SCAF4: variants seen among roughly 807,000 people sequenced by gnomAD.
The protein encoded by SCAF4 is SR-related and CTD-associated factor 4.
Under a neutral mutation model 129.8 loss-of-function variants are expected in SCAF4, and 25 were observed. The observed-to-expected ratio is 0.19, with a 90% confidence interval of 0.14 to 0.27. SCAF4 has a LOEUF of 0.27. Ranked by LOEUF, SCAF4 falls within the 10% of genes least tolerant of loss-of-function variation. The probability of loss-of-function intolerance (pLI) is 1.00; values close to 1 mark genes in which losing one functional copy is unlikely to be tolerated. For synonymous variants in SCAF4, 551 were observed against 497.7 expected (o/e 1.11, Z -1.43); for missense variants, 1,246 against 1,457.1 (o/e 0.86, Z 2.36).
At chr21:31,711,657 T>G (rs1238012983) in intron 1 of SCAF4, among the ~76,000 whole-genome samples, 1 of 152,110 alleles carries the variant, frequency 6.6e-6, no homozygotes, top group Non-Finnish European at 1.5e-5. Context: ...AATAACAAAA[T>G]TATTTCAAAT....
rs377173037 is a variant in SCAF4 at position 31,671,746 on chromosome 21, A to C, written c.3097T>G (p.Trp1033Gly). The change falls in exon 20 of 20, where the codon TGG becomes GGG. Residue 1033 changes from tryptophan (W) to glycine (G), a missense_variant. Physicochemically the swap from Trp to Gly is radical, Grantham distance 184 (BLOSUM62 -2). Around this residue, in one of 6 missense-constraint regions of SCAF4, gnomAD observed 339 missense variants for 325.0 expected, o/e 1.04. Coordinates refer to ENST00000286835, the MANE Select transcript of SCAF4 (RefSeq NM_020706.2). ...TCCCGGTCAGGGCTCCTCCTTCCCC[A>C]CTCTCTCCTGTCACGGTTACTATTA... is the stretch of plus-strand genomic sequence containing the variant. ...RDNSNRDRREWGRRSPDRDRH... is the reference protein window; with the variant it reads ...RDNSNRDRREGGRRSPDRDRH... The C allele has an allele frequency of 1.2e-6, 2 of 1,611,482 alleles. No homozygotes were observed. Among genetic ancestry groups the C allele is most frequent in the African/African-American group, 2.7e-5 (2 of 73,958 alleles).
In SCAF4 at chr21:31,711,577, A is replaced by T. The variant is rs186130286; in HGVS notation, c.31-5220T>A. Among the ~76,000 whole-genome samples the T allele has an allele frequency of 8.5e-4, 130 of 152,348 alleles. 1 individual carries two copies. Among genetic ancestry groups the T allele is most frequent in the Non-Finnish European group, 1.0e-4 (7 of 68,030 alleles). On this transcript the variant is annotated intron_variant, in intron 1 of 19. Coordinates refer to ENST00000286835, the MANE Select transcript of SCAF4 (RefSeq NM_020706.2). The stretch of plus-strand genomic sequence containing the variant: ...AACAATCTGCTCAGTTATAAAGTTA[A>T]TTAAGTGGTAAAATTCAATCTGTAA...
chr21:31,685,593 T>A lies in SCAF4; in HGVS notation c.2184A>T (p.Gly728=). The A allele has an allele frequency of 6.2e-7, 1 of 1,614,022 alleles. No individual in the cohort carries two copies. The change falls in exon 17 of 20, where the codon GGA becomes GGT. Residue 728 remains glycine (G), a synonymous_variant. Coordinates refer to ENST00000286835, the MANE Select transcript of SCAF4 (RefSeq NM_020706.2). The part of the protein sequence containing the change: ...PPPPPPFLRP[G]FNPMHLPPGF... Reference sequence around the variant, plus strand: ...CTGGTGGTAAATGCATTGGGTTGAATCCTGGGCGCAAAAATGGTGGAGGAG... The same window carrying A: ...CTGGTGGTAAATGCATTGGGTTGAAACCTGGGCGCAAAAATGGTGGAGGAG...
intron 19 of SCAF4, among the ~76,000 whole-genome samples, chr21:31,677,631 T>C (rs1259252096): frequency 1.3e-5 from 2 of 152,172 alleles, no homozygotes; most frequent in African/African-American, 4.8e-5. Flanking sequence ...TGTCATCTGA[T>C]AGTTCACCTC....
At chr21:31,697,252 C>T (rs1294510933) in intron 7 of SCAF4, among the ~76,000 whole-genome samples, 1 of 152,116 alleles carries the variant, frequency 6.6e-6, no homozygotes, top group Non-Finnish European at 1.5e-5. Context: ...AAAAAAGTCA[C>T]TAGCAGTTCC....
rs149831648 is a variant in SCAF4, at chr21:31,676,592, C to T, written c.2489-4238G>A. Among the ~76,000 whole-genome samples, 388 of 152,298 alleles carry T rather than the reference C, an allele frequency of 2.5e-3. 4 individuals are homozygous for T. Among genetic ancestry groups the T allele is most frequent in the African/African-American group, 8.7e-3 (361 of 41,562 alleles). On this transcript the variant is annotated intron_variant, in intron 19 of 19. Coordinates refer to ENST00000286835, the MANE Select transcript of SCAF4 (RefSeq NM_020706.2). ...CCCTTCATTCTGGCCAGTAATCTAA[C>T]ATTTTCCTAGTCAATCCACATTCTC...
rs1251843857 is a variant in SCAF4 at position 31,686,203 on chromosome 21, CAAAAAAAAAAAAAGAA to C, written c.2044-486_2044-471del. ...GGGCGACAGAGCAAGACTTGGTCTT[CAAAAAAAAAAAAAGAA>C]AAAAAAAAAAAAGGAAAGAAAGAAA... is the stretch of plus-strand genomic sequence containing the variant. On this transcript the variant is annotated intron_variant, in intron 16 of 19. Transcript: ENST00000286835. 6.5e-4 allele frequency among the ~76,000 whole-genome samples: 49 copies of C among 75,902 alleles called. 1 individual carries two copies. The highest frequency in any genetic ancestry group is 1.2e-3 in the Admixed American group (9 of 7,716). The allele number at this position is 75,902 out of a possible 152,430, so 49.8% of individuals were successfully genotyped here.
chr21:31,709,361 A>AAAAGAAAGAAAG (rs1555851528), intron 1 of SCAF4, among the ~76,000 whole-genome samples: 1 of 151,324 alleles, frequency 6.6e-6, no homozygotes, highest in Non-Finnish European at 1.5e-5. Context: ...AAAAAAAAAA[A>AAAAGAAAGAAAG]AAAGAAAGAA....
intron 19 of SCAF4, among the ~76,000 whole-genome samples, chr21:31,681,670 C>A (rs955322554): frequency 6.6e-6 from 1 of 152,020 alleles, no homozygotes; most frequent in African/African-American, 2.4e-5. Flanking sequence ...ATAATTATTG[C>A]GCATCAAGTA....
intron 19 of SCAF4, among the ~76,000 whole-genome samples, chr21:31,683,497 T>C (rs1030718166): frequency 1.3e-5 from 2 of 152,182 alleles, no homozygotes; most frequent in Non-Finnish European, 2.9e-5. Context: ...GCAGTGGTTA[T>C]TAAACTCCTG....
At chr21:31,705,108 T>C (rs1406267484) in intron 3 of SCAF4, among the ~76,000 whole-genome samples, 1 of 152,160 alleles carries the variant, frequency 6.6e-6, no homozygotes, top group Non-Finnish European at 1.5e-5. Context: ...TTTGAAATAC[T>C]CAAAGGTGAG....
rs368215613 is a variant in SCAF4 at position 31,702,264 on chromosome 21, T to C, written c.437A>G (p.Glu146Gly). 7.6e-5 allele frequency: 123 copies of C among 1,614,010 alleles called. No individual in the cohort carries two copies. The highest frequency in any genetic ancestry group is 1.0e-4 in the Non-Finnish European group (118 of 1,180,006). ...AGTSNAAPVAENVTNNEGSPP... is the reference protein window; with the variant it reads ...AGTSNAAPVAGNVTNNEGSPP... Reference sequence around the variant, plus strand: ...CATACCTTCATTATTGGTAACATTTTCTGCTACTGGGGCTGCATTACTGGT... The same window carrying C: ...CATACCTTCATTATTGGTAACATTTCCTGCTACTGGGGCTGCATTACTGGT... The change falls in exon 5 of 20, where the codon GAA becomes GGA. Residue 146 changes from glutamate to glycine, a missense_variant. By Grantham distance (98) the Glu-to-Gly change is moderately conservative. Around this residue, in one of 6 missense-constraint regions of SCAF4, gnomAD observed 143 missense variants for 161.0 expected, o/e 0.89. Coordinates refer to ENST00000286835, the MANE Select transcript of SCAF4 (RefSeq NM_020706.2).
At chr21:31,677,748 G>A (rs1373051792) in intron 19 of SCAF4, among the ~76,000 whole-genome samples, 1 of 152,154 alleles carries the variant, frequency 6.6e-6, no homozygotes, top group Non-Finnish European at 1.5e-5. Context: ...CTTTGCTGGA[G>A]AGTACAGTAT....
intron 1 of SCAF4, among the ~76,000 whole-genome samples, chr21:31,709,590 T>A (rs569676582): frequency 6.6e-6 from 1 of 152,230 alleles, no homozygotes; most frequent in South Asian, 2.1e-4. Flanking sequence ...TAGTCTCTAT[T>A]TAAAAAATTA....
rs576954246 is a variant in SCAF4, at chr21:31,716,933, G to A, written c.31-10576C>T. On this transcript the variant is annotated intron_variant, in intron 1 of 19. Coordinates refer to ENST00000286835, the MANE Select transcript of SCAF4 (RefSeq NM_020706.2). ...TCAATGGTACATACACACAGTAAGA[G>A]GTACAATGAAACTGAAAAATGTACA... Among the ~76,000 whole-genome samples the A allele has an allele frequency of 2.0e-5, 3 of 152,086 alleles. No individual in the cohort carries two copies. The South Asian group carries it at 6.2e-4, about 32-fold the overall frequency.
intron 2 of SCAF4, among the ~76,000 whole-genome samples, chr21:31,705,895 T>A (rs1338556784): frequency 6.6e-6 from 1 of 152,220 alleles, no homozygotes; most frequent in Non-Finnish European, 1.5e-5. Flanking sequence ...TGATAAGGAA[T>A]AAATGAAAAT....
In SCAF4 at chr21:31,693,401, C is replaced by T. The variant is rs371739627; in HGVS notation, c.1406G>A (p.Arg469Lys). The change falls in exon 12 of 20, where the codon AGA becomes AAA. Residue 469 changes from arginine to lysine, a missense_variant. Physicochemically the swap from Arg to Lys is conservative, Grantham distance 26. Coordinates refer to ENST00000286835, the MANE Select transcript of SCAF4 (RefSeq NM_020706.2). ...HRRSRSRSRD[R>K]RRHSPRSRSQ... ...TCGAGATCGGGGAGAATGTCGGCGT[C>T]TATCCCTGGACCGAGATCGAGAACG... 2.5e-6 allele frequency: 4 copies of T among 1,585,292 alleles called. No homozygotes were observed. The African/African-American group carries it at 5.4e-5, about 21-fold the overall frequency.
At chr21:31,727,205 A>G (rs2051227426) in intron 1 of SCAF4, among the ~76,000 whole-genome samples, 1 of 151,980 alleles carries the variant, frequency 6.6e-6, no homozygotes, top group Non-Finnish European at 1.5e-5. Context: ...CAGCCTCCCA[A>G]GTAGCTGGGA....
At chr21:31,695,449 TATC>T (rs1395163740) in intron 9 of SCAF4, among the ~76,000 whole-genome samples, 1 of 152,196 alleles carries the variant, frequency 6.6e-6, no homozygotes, top group Non-Finnish European at 1.5e-5. Context: ...TCAAATAAAG[TATC>T]ATAATAATAA....
Sources: allele counts gnomAD v4.1 joint callset (sites outside exome capture counted in the v4.1 genomes callset), GRCh38; gene constraint gnomAD v4.1.1; regional missense constraint gnomAD v4.1.1; transcripts MANE v1.5; gene names NCBI Gene and HGNC (gene_info 2026-07-23, HGNC 2026-07-21).